HPSE2: variants seen among roughly 807,000 people sequenced by gnomAD.
HPSE2 encodes inactive heparanase-2.
In HPSE2, 38 loss-of-function variants were observed where a neutral mutation model predicts 60.5. The ratio of observed to expected loss-of-function variants is 0.63; its 90% CI spans 0.48 to 0.82. The LOEUF (loss-of-function observed/expected upper bound fraction) is 0.82. Ranked by LOEUF, HPSE2 falls within the 40% of genes least tolerant of loss-of-function variation. The pLI, the probability that HPSE2 is intolerant of heterozygous loss-of-function variation, is 0.00. For missense variants in HPSE2, 713 were observed against 740.4 expected (o/e 0.96, Z 0.43); for synonymous variants, 295 against 293.2 (o/e 1.01, Z -0.06).
At chr10:99,149,649 T>C (rs1306853042) in intron 2 of HPSE2, among the ~76,000 whole-genome samples, 1 of 152,220 alleles carries the variant, frequency 6.6e-6, no homozygotes, top group Non-Finnish European at 1.5e-5. Context: ...TAACATCACA[T>C]TGTAATATCA....
intron 9 of HPSE2, among the ~76,000 whole-genome samples, chr10:98,592,050 T>C (rs1257683030): frequency 6.6e-6 from 1 of 152,256 alleles, no homozygotes; most frequent in African/African-American, 2.4e-5. Context: ...GGTATCCTGT[T>C]GGAACTTAAG....
At chr10:98,562,564 A>G (rs1944218152) in intron 9 of HPSE2, among the ~76,000 whole-genome samples, 1 of 151,738 alleles carries the variant, frequency 6.6e-6, no homozygotes, top group African/African-American at 2.4e-5. Flanking sequence ...AAAATACAAA[A>G]ATTAGCCGGG....
chr10:98,949,160 A>G (rs1419440648), intron 3 of HPSE2, among the ~76,000 whole-genome samples: 1 of 152,168 alleles, frequency 6.6e-6, no homozygotes, highest in Non-Finnish European at 1.5e-5. Context: ...CAATAAAATA[A>G]CCAAGTGTTT....
chr10:99,149,904 TG>T (rs1244615177), intron 2 of HPSE2, among the ~76,000 whole-genome samples: 1 of 152,000 alleles, frequency 6.6e-6, no homozygotes, highest in African/African-American at 2.4e-5. Context: ...GGGGAGTTTC[TG>T]GCCTGGATGA....
At chr10:99,148,156 A>G (rs1846124067) in intron 2 of HPSE2, among the ~76,000 whole-genome samples, 2 of 152,228 alleles carry the variant, frequency 1.3e-5, no homozygotes, top group South Asian at 4.1e-4. Flanking sequence ...GCTGTGCTAC[A>G]TTCCTTGCCT....
At chr10:98,926,129 G>A (rs1467368883) in intron 3 of HPSE2, among the ~76,000 whole-genome samples, 2 of 151,996 alleles carry the variant, frequency 1.3e-5, no homozygotes, top group African/African-American at 2.4e-5. Context: ...TATCCCCCTG[G>A]TAGAAAGTGA....
Position 98,678,046 on chromosome 10 carries a change from C to G in HPSE2, c.1004+15854G>C, listed in dbSNP as rs564439434. On this transcript the variant is annotated intron_variant, in intron 6 of 11. Transcript: ENST00000370552. ...ATCGATCTCTTTAAGCCTACAGCTG[C>G]AGTATACCCACCATATTTTGTTTTT... Among the ~76,000 whole-genome samples the G allele has an allele frequency of 3.8e-3, 575 of 152,230 alleles. 6 individuals carry two copies. Among genetic ancestry groups the G allele is most frequent in the Middle Eastern group, 0.02 (6 of 294 alleles).
At chr10:98,829,773 A>T (rs535502171) in intron 3 of HPSE2, among the ~76,000 whole-genome samples, 6 of 152,268 alleles carry the variant, frequency 3.9e-5, no homozygotes, top group Non-Finnish European at 8.8e-5. Flanking sequence ...TTTCAAAGTG[A>T]TTTTTCAACA....
At chr10:99,121,332 A>C (rs1358408739) in intron 3 of HPSE2, among the ~76,000 whole-genome samples, 1 of 152,178 alleles carries the variant, frequency 6.6e-6, no homozygotes, top group Non-Finnish European at 1.5e-5. Context: ...AGGAAAAATA[A>C]CTAATGGGTA....
At chr10:98,774,746 A>T (rs1950305324) in intron 3 of HPSE2, among the ~76,000 whole-genome samples, 1 of 152,170 alleles carries the variant, frequency 6.6e-6, no homozygotes, top group Non-Finnish European at 1.5e-5. Context: ...TGGCAGCTGA[A>T]CACGTAGTCT....
chr10:99,093,411 C>T lies in HPSE2; in HGVS notation c.610+50827G>A, dbSNP rs868306347. Among the ~76,000 whole-genome samples, 43 of 152,010 alleles carry T rather than the reference C, an allele frequency of 2.8e-4. 1 individual carries two copies. The highest frequency in any genetic ancestry group is 9.6e-4 in the East Asian group (5 of 5,184). ...TAAATTTTTACATTCACGTGGTTTA[C>T]GCAGCAAAACATCATAAAGAGGCAT... On this transcript the variant is annotated intron_variant, in intron 3 of 11. Coordinates refer to ENST00000370552, the MANE Select transcript of HPSE2 (RefSeq NM_021828.5).
chr10:98,829,720 C>A (rs1329729472), intron 3 of HPSE2, among the ~76,000 whole-genome samples: 2 of 151,980 alleles, frequency 1.3e-5, no homozygotes, highest in African/African-American at 4.8e-5. Context: ...AAACAAAAAA[C>A]CAAAAACTTT....
chr10:99,232,249 A>G, intron 2 of HPSE2, 99 bp downstream of exon 2: 4 of 1,362,158 alleles, frequency 2.9e-6, no homozygotes, highest in Non-Finnish European at 4.1e-6. Flanking sequence ...ACACACACAC[A>G]CACACACGAA....
intron 3 of HPSE2, among the ~76,000 whole-genome samples, chr10:98,777,280 C>T (rs1349512186): frequency 6.6e-6 from 1 of 152,104 alleles, no homozygotes; most frequent in East Asian, 1.9e-4. Context: ...ACACAATTGA[C>T]CCAAAACCTA....
chr10:98,838,084 C>T (rs1348085564), intron 3 of HPSE2, among the ~76,000 whole-genome samples: 3 of 152,186 alleles, frequency 2.0e-5, no homozygotes. Flanking sequence ...GCATTTGAAA[C>T]TGCCCCTAAC....
chr10:98,506,396 C>A (rs1942201077), intron 9 of HPSE2, among the ~76,000 whole-genome samples: 1 of 152,048 alleles, frequency 6.6e-6, no homozygotes, highest in Admixed American at 6.6e-5. Context: ...AGTGTTAACC[C>A]CCAAACTTGT....
intron 9 of HPSE2, among the ~76,000 whole-genome samples, chr10:98,557,543 T>C (rs1944046188): frequency 6.6e-6 from 1 of 152,176 alleles, no homozygotes; most frequent in East Asian, 1.9e-4. Flanking sequence ...GAGAACATCT[T>C]TGTGATAGTG....
At chr10:98,712,723 C>T (rs1451156370) in intron 5 of HPSE2, among the ~76,000 whole-genome samples, 1 of 152,092 alleles carries the variant, frequency 6.6e-6, no homozygotes, top group East Asian at 1.9e-4. Flanking sequence ...CTTCCCATAG[C>T]TCTCTGAGCC....
chr10:99,054,865 C>T (rs866071218), intron 3 of HPSE2, among the ~76,000 whole-genome samples: 1 of 152,072 alleles, frequency 6.6e-6, no homozygotes, highest in Non-Finnish European at 1.5e-5. Flanking sequence ...CACCCAGCAC[C>T]ATGCCCAGCT....
Sources: allele counts gnomAD v4.1 joint callset (sites outside exome capture counted in the v4.1 genomes callset), GRCh38; gene constraint gnomAD v4.1.1; transcripts MANE v1.5; gene names NCBI Gene and HGNC (gene_info 2026-07-23, HGNC 2026-07-21).